Variants in NCOR1 observed in about 807,000 individuals in gnomAD.
NCOR1 encodes the protein protein phosphatase 1, regulatory subunit 109.
Under a neutral mutation model 288.1 loss-of-function variants are expected in NCOR1, and 63 were observed. That is an observed-to-expected ratio of 0.22 (90% confidence interval 0.18 to 0.27). NCOR1 has a LOEUF of 0.27. Among genes scored for constraint, NCOR1 ranks in the 10% least tolerant of loss-of-function variants. The pLI, the probability that NCOR1 is intolerant of heterozygous loss-of-function variation, is 1.00. For synonymous variants in NCOR1, 1,007 were observed against 1,065.9 expected (o/e 0.94, Z 1.08); for missense variants, 2,397 against 3,019.2 (o/e 0.79, Z 4.83).
At chr17:16,045,198 C>T (rs1053309687) in intron 42 of NCOR1, among the ~76,000 whole-genome samples, 6 of 152,068 alleles carry the variant, frequency 3.9e-5, no homozygotes, top group African/African-American at 1.4e-4. Context: ...GAATATTTAC[C>T]AACAATCTGG....
chr17:16,043,987 T>C (rs952181084), intron 42 of NCOR1, among the ~76,000 whole-genome samples: 2 of 152,132 alleles, frequency 1.3e-5, no homozygotes, highest in East Asian at 1.9e-4. Flanking sequence ...CTGGCCAACA[T>C]GGATAAACCC....
chr17:16,117,776 T>C (rs543904758), intron 18 of NCOR1, 112 bp downstream of exon 18: 55 of 1,143,274 alleles, frequency 4.8e-5, no homozygotes, highest in Middle Eastern at 6.1e-4. Context: ...GAGCCAAGAT[T>C]GCACTGCTGC....
chr17:16,207,809 CTTAT>C (rs553257366), intron 1 of NCOR1, among the ~76,000 whole-genome samples: 105 of 151,046 alleles, frequency 7.0e-4, no homozygotes, highest in African/African-American at 2.4e-3. Flanking sequence ...TTGATATCAG[CTTAT>C]TTGTGTATAA....
intron 17 of NCOR1, among the ~76,000 whole-genome samples, chr17:16,119,035 T>A (rs1284215735): frequency 6.6e-6 from 1 of 152,220 alleles, no homozygotes; most frequent in Non-Finnish European, 1.5e-5. Context: ...GTATTTACCA[T>A]CCTATCCTAT....
chr17:16,211,833 C>A (rs1426319033), intron 1 of NCOR1, among the ~76,000 whole-genome samples: 1 of 152,162 alleles, frequency 6.6e-6, no homozygotes, highest in Non-Finnish European at 1.5e-5. Flanking sequence ...AGATGCTCCA[C>A]ATACGGTTAT....
chr17:16,118,178 A>T, intron 17 of NCOR1, 151 bp from the exon 18 acceptor site: 1 of 787,310 alleles, frequency 1.3e-6, no homozygotes, highest in Admixed American at 3.1e-5. Context: ...TGATACTTAT[A>T]AAAATACTTA....
rs1972236725 is a variant in NCOR1 at position 16,032,492 on chromosome 17, A to G, written c.7136-9T>C. The G allele has an allele frequency of 6.4e-7, 1 of 1,562,150 alleles. No homozygotes were observed. Among genetic ancestry groups the G allele is most frequent in the East Asian group, 2.3e-5 (1 of 42,596 alleles). On this transcript the variant is annotated splice_polypyrimidine_tract_variant and intron_variant, in intron 45 of 45. Transcript: ENST00000268712. Reference sequence around the variant, plus strand: ...AGGAAACTGAGTTGAGCCTGACAAAAGAAAAATTAGGTTTTCATTGTCATG... The same window carrying G: ...AGGAAACTGAGTTGAGCCTGACAAAGGAAAAATTAGGTTTTCATTGTCATG...
intron 22 of NCOR1, among the ~76,000 whole-genome samples, chr17:16,087,866 CT>C (rs1484449961): frequency 2.0e-5 from 3 of 152,144 alleles, no homozygotes; most frequent in Admixed American, 6.5e-5. Context: ...TACAATAATA[CT>C]AATGAAAATT....
At chr17:16,155,544 T>C (rs1820750635) in intron 6 of NCOR1, among the ~76,000 whole-genome samples, 1 of 152,126 alleles carries the variant, frequency 6.6e-6, no homozygotes, top group Admixed American at 6.5e-5. Flanking sequence ...AAATAGTCTG[T>C]TTAGAGACTA....
chr17:16,185,762 T>G (rs2086554261), intron 3 of NCOR1, among the ~76,000 whole-genome samples: 1 of 147,968 alleles, frequency 6.8e-6, no homozygotes, highest in African/African-American at 2.5e-5. Context: ...GCTCAGGAGT[T>G]CAAGACTAGC....
chr17:16,169,113 T>C (rs974605977), intron 4 of NCOR1, among the ~76,000 whole-genome samples: 4 of 152,208 alleles, frequency 2.6e-5, no homozygotes, highest in Non-Finnish European at 5.9e-5. Flanking sequence ...AACAATACAG[T>C]TGTAAACCTA....
chr17:16,130,850 A>T (rs919382973), intron 14 of NCOR1, among the ~76,000 whole-genome samples: 2 of 141,614 alleles, frequency 1.4e-5, no homozygotes, highest in Admixed American at 7.1e-5. Context: ...CACCTGGCTA[A>T]TTTTTTTTTT....
At position 16,040,341 on chromosome 17, in the gene NCOR1, G is replaced by C. The variant is rs1397627096; in HGVS notation, c.6733+100C>G. The stretch of plus-strand genomic sequence containing the variant: ...TTATTTATTTTTCCATATTAGAGCA[G>C]TCACTCCCCTGGTATACAGTTGGTA... On this transcript the variant is annotated intron_variant, in intron 43 of 45. Transcript: ENST00000268712. 7 of 970,140 alleles carry C rather than the reference G, an allele frequency of 7.2e-6. No individual in the cohort carries two copies. The South Asian group carries it at 9.3e-5, about 13-fold the overall frequency. 60.1% of individuals were successfully genotyped at this position (970,140 alleles called of 1,614,324 possible). A position where few individuals can be genotyped will look rare whatever the true frequency, so the allele number is the denominator to read the frequency against.
At chr17:16,118,542 T>C (rs1322944202) in intron 17 of NCOR1, among the ~76,000 whole-genome samples, 1 of 152,180 alleles carries the variant, frequency 6.6e-6, no homozygotes, top group Non-Finnish European at 1.5e-5. Context: ...ATACAATGCA[T>C]TACAGAAACC....
intron 4 of NCOR1, among the ~76,000 whole-genome samples, chr17:16,166,044 T>C (rs1414717311): frequency 1.3e-5 from 2 of 152,220 alleles, no homozygotes; most frequent in Non-Finnish European, 2.9e-5. Context: ...ATACAAGAGA[T>C]AACTGGACAG....
chr17:16,168,071 TAAAAA>T (rs962749070), intron 4 of NCOR1, among the ~76,000 whole-genome samples: 1 of 151,608 alleles, frequency 6.6e-6, no homozygotes, highest in African/African-American at 2.4e-5. Flanking sequence ...AATAAACAAA[TAAAAA>T]AAGTTAAGTT....
At chr17:16,074,552 G>A (rs2062159729) in intron 27 of NCOR1, among the ~76,000 whole-genome samples, 1 of 152,176 alleles carries the variant, frequency 6.6e-6, no homozygotes, top group South Asian at 2.1e-4. Context: ...GTGTAAAGGA[G>A]AGTGAAATAA....
At position 16,136,825 on chromosome 17, in the gene NCOR1, A is replaced by AAAAGAAAG. The variant is rs1555703147; in HGVS notation, c.1509+478_1509+485dup. On this transcript the variant is annotated intron_variant, in intron 14 of 45. Coordinates refer to ENST00000268712, the MANE Select transcript of NCOR1 (RefSeq NM_006311.4). ...CTGTTTCAAAAAAAAAAAAAAAAAA[A>AAAAGAAAG]AAAGAAAGAAAGAAATTAAACTATC... is the stretch of plus-strand genomic sequence containing the variant. Among the ~76,000 whole-genome samples, 165 of 138,886 alleles carry AAAAGAAAG rather than the reference A, an allele frequency of 1.2e-3. 1 individual carries two copies. Among genetic ancestry groups the AAAAGAAAG allele is most frequent in the South Asian group, 2.0e-3 (9 of 4,428 alleles). 91.1% of individuals were successfully genotyped at this position (138,886 alleles called of 152,430 possible). A position where few individuals can be genotyped will look rare whatever the true frequency, so the allele number is the denominator to read the frequency against.
chr17:16,071,948 T>A (rs148638899), intron 29 of NCOR1, among the ~76,000 whole-genome samples, 197 bp downstream of exon 29: 4 of 152,180 alleles, frequency 2.6e-5, no homozygotes, highest in Admixed American at 1.3e-4. Context: ...AATAAAGATA[T>A]CTCTATATTA....
Sources: allele counts gnomAD v4.1 joint callset (sites outside exome capture counted in the v4.1 genomes callset), GRCh38; gene constraint gnomAD v4.1.1; transcripts MANE v1.5; gene names NCBI Gene and HGNC (gene_info 2026-07-23, HGNC 2026-07-21).